Variants in INTS13 observed in about 807,000 individuals in gnomAD.
The protein encoded by INTS13 is integrator complex subunit 13.
INTS13 carries 35 observed loss-of-function variants against 90.2 expected under a neutral mutation model. That is an observed-to-expected ratio of 0.39 (90% CI 0.30 to 0.51). The LOEUF (loss-of-function observed/expected upper bound fraction) is 0.51. INTS13 is among the 20% of genes least tolerant of loss of function. The pLI is 0.80. For synonymous variants in INTS13, 309 were observed against 277.1 expected, an observed-to-expected ratio of 1.11 and a Z score of -1.14; for missense variants, 601 against 851.2, an observed-to-expected ratio of 0.71 and a Z score of 3.66.
intron 11 of INTS13, among the ~76,000 whole-genome samples, chr12:26,915,367 A>G (rs990396521): frequency 1.3e-5 from 2 of 152,210 alleles, no homozygotes; most frequent in Non-Finnish European, 2.9e-5. Flanking sequence ...ATTTTCTACA[A>G]TAAATATTGA....
chr12:26,914,967 C>T (rs1221976857), intron 11 of INTS13, among the ~76,000 whole-genome samples: 1 of 152,148 alleles, frequency 6.6e-6, no homozygotes, highest in Non-Finnish European at 1.5e-5. Context: ...TGGCTCACAC[C>T]TGTAATCCCA....
intron 14 of INTS13, 143 bp from the exon 15 acceptor site, chr12:26,911,460 A>C: frequency 3.6e-6 from 2 of 555,602 alleles, no homozygotes; most frequent in Non-Finnish European, 5.6e-6. Flanking sequence ...CAAAAATCTC[A>C]ATCTAAAACC....
chr12:26,932,857 T>C (rs778415732), intron 3 of INTS13, among the ~76,000 whole-genome samples: 1 of 152,204 alleles, frequency 6.6e-6, no homozygotes. Context: ...ATGAAGTATA[T>C]AGTCAGCAAT....
intron 3 of INTS13, among the ~76,000 whole-genome samples, chr12:26,930,920 T>C (rs905501201): frequency 6.6e-5 from 10 of 152,208 alleles, no homozygotes; most frequent in South Asian, 4.1e-4. Flanking sequence ...TTTCAGGTAA[T>C]AGTATATTAA....
Position 26,925,863 on chromosome 12 carries a change from ATT to A in INTS13, c.585-14_585-13del, listed in dbSNP as rs756582421. ...GAATCTGCATGAGACTTAAAGAGAA[ATT>A]TTTGACTTAAAATTTAAGAATACAT... On this transcript the variant is annotated splice_polypyrimidine_tract_variant and intron_variant, in intron 5 of 16. Coordinates refer to ENST00000261191, the MANE Select transcript of INTS13 (RefSeq NM_018164.3). The A allele has an allele frequency of 6.3e-7, 1 of 1,596,988 alleles. No homozygotes were observed. Among genetic ancestry groups the A allele is most frequent in the Admixed American group, 1.7e-5 (1 of 59,620 alleles).
At position 26,924,444 on chromosome 12, in the gene INTS13, C is replaced by T; in HGVS notation, c.715G>A (p.Ala239Thr). 6.2e-7 allele frequency: 1 copy of T among 1,612,630 alleles called. No homozygotes were observed. The highest frequency in any genetic ancestry group is 8.5e-7 in the Non-Finnish European group (1 of 1,179,152). ...VLTSEVHSVR[A>T]GRHLATKLNI... Reference sequence around the variant, plus strand: ...AATTTGGTAGCAAGATGCCGTCCTGCACGAACACTATGAACTTCACTGGTT... The same window carrying T: ...AATTTGGTAGCAAGATGCCGTCCTGTACGAACACTATGAACTTCACTGGTT... Residue 239 changes from alanine to threonine, a missense_variant, in exon 7 of 17, where the codon GCA (alanine) becomes ACA (threonine). Coordinates refer to ENST00000261191, the MANE Select transcript of INTS13 (RefSeq NM_018164.3).
At chr12:26,924,928 C>T (rs1180577333) in intron 6 of INTS13, among the ~76,000 whole-genome samples, 1 of 152,132 alleles carries the variant, frequency 6.6e-6, no homozygotes, top group Non-Finnish European at 1.5e-5. Flanking sequence ...ACAAAAATTT[C>T]ATTCTGTCAC....
rs765732011 is a variant in INTS13 at position 26,928,896 on chromosome 12, C to T, written c.310G>A (p.Ala104Thr). ...EDQNLQELMA[A>T]LAAVGPPNPR... ...TTAGGAGGCCCAACAGCGGCTAATG[C>T]TGCCATTAGCTAAGTAAAAGGGAAA... is the stretch of plus-strand genomic sequence containing the variant. Residue 104 changes from alanine to threonine, a missense_variant, in exon 4 of 17, where the codon GCA (alanine) becomes ACA (threonine). Ala to Thr is a moderately conservative substitution (Grantham distance 58). This residue lies in a region of INTS13 where 284 missense variants were observed against 387.7 expected (regional missense o/e 0.73). Coordinates refer to ENST00000261191, the MANE Select transcript of INTS13 (RefSeq NM_018164.3). 5 of 1,613,900 alleles carry T rather than the reference C, an allele frequency of 3.1e-6. No individual in the cohort carries two copies. In the Admixed American group the frequency reaches 8.3e-5, roughly 27 times the overall value.
chr12:26,913,930 C>A, intron 13 of INTS13, 44 bp downstream of exon 13: 1 of 1,528,590 alleles, frequency 6.5e-7, no homozygotes, highest in South Asian at 1.2e-5. Context: ...CAATATGTAT[C>A]AAGTAAATGT....
At chr12:26,923,436 T>C (rs568150196) in intron 7 of INTS13, among the ~76,000 whole-genome samples, 1 of 152,292 alleles carries the variant, frequency 6.6e-6, no homozygotes, top group South Asian at 2.1e-4. Context: ...ATTATAATTC[T>C]CATGCAATTT....
Position 26,922,617 on chromosome 12 carries a change from A to T in INTS13, c.888T>A (p.Ser296Arg). 1 of 1,587,722 alleles carries T rather than the reference A, an allele frequency of 6.3e-7. No homozygotes were observed. The highest frequency in any genetic ancestry group is 8.6e-7 in the Non-Finnish European group (1 of 1,166,286). Residue 296 changes from serine to arginine, a missense_variant and splice_region_variant, in exon 8 of 17, where the codon AGT becomes AGA. By Grantham distance (110) the Ser-to-Arg change is moderately radical. Coordinates refer to ENST00000261191, the MANE Select transcript of INTS13 (RefSeq NM_018164.3). ...HKDAHVDFLKSGDSHLGGGSR... is the reference protein window; with the variant it reads ...HKDAHVDFLKRGDSHLGGGSR... ...ATAATACTTTCAAATGTCTCTTACC[A>T]CTTTTCAGGAAATCTACATGTGCAT...
At chr12:26,930,786 T>C (rs755796256) in intron 3 of INTS13, among the ~76,000 whole-genome samples, 1 of 152,178 alleles carries the variant, frequency 6.6e-6, no homozygotes, top group African/African-American at 2.4e-5. Context: ...TGTACTTATT[T>C]TTATTCATAC....
At position 26,905,427 on chromosome 12, in the gene INTS13, A is replaced by C; in HGVS notation, c.*70T>G. 4 of 1,405,102 alleles carry C rather than the reference A, an allele frequency of 2.8e-6. No individual in the cohort carries two copies. Among genetic ancestry groups the C allele is most frequent in the Non-Finnish European group, 4.0e-6 (4 of 1,001,200 alleles). The allele number at this position is 1,405,102 out of a possible 1,614,324, so 87.0% of individuals were successfully genotyped here. ...AACATAACTATACCATCTTGCTGTA[A>C]AAGTACTTATATCGAATTCCGCACA... is the stretch of plus-strand genomic sequence containing the variant. On this transcript the variant is annotated 3_prime_UTR_variant, in exon 17 of 17. Coordinates refer to ENST00000261191, the MANE Select transcript of INTS13 (RefSeq NM_018164.3).
chr12:26,931,804 G>T (rs184217420), intron 3 of INTS13, among the ~76,000 whole-genome samples: 1 of 149,512 alleles, frequency 6.7e-6, no homozygotes, highest in African/African-American at 2.4e-5. Context: ...ACATAAACCC[G>T]GGCTGTGCGT....
intron 2 of INTS13, 98 bp from the exon 3 acceptor site, chr12:26,934,728 G>C (rs1399068242): frequency 1.1e-6 from 1 of 885,886 alleles, no homozygotes; most frequent in Non-Finnish European, 1.9e-6. Context: ...CTGTTTCACT[G>C]ATTCATTCAT....
chr12:26,909,493 T>C (rs543851159), intron 15 of INTS13, among the ~76,000 whole-genome samples: 30 of 141,824 alleles, frequency 2.1e-4, no homozygotes, highest in African/African-American at 7.4e-4. Flanking sequence ...TTTTTTTTTT[T>C]AGAGATGGAG....
At chr12:26,906,487 TATTTCCAA>T (rs1001545219) in intron 15 of INTS13, 50 bp from the exon 16 acceptor site, 23 of 1,513,126 alleles carry the variant, frequency 1.5e-5, no homozygotes, top group African/African-American at 1.4e-4. Context: ...AATAATTTAT[TATTTCCAA>T]ATTTCCAAAT....
chr12:26,907,837 T>C (rs1262507978), intron 15 of INTS13, among the ~76,000 whole-genome samples: 1 of 152,132 alleles, frequency 6.6e-6, no homozygotes, highest in Non-Finnish European at 1.5e-5. Flanking sequence ...TTTACCATCA[T>C]TAATCATGAG....
intron 10 of INTS13, among the ~76,000 whole-genome samples, chr12:26,916,911 C>A (rs1214686620): frequency 6.6e-6 from 1 of 152,046 alleles, no homozygotes; most frequent in Admixed American, 6.6e-5. Flanking sequence ...GTATCATGTT[C>A]AAATATAAGT....
Sources: gnomAD v4.1 joint callset for allele counts (sites outside exome capture counted in the v4.1 genomes callset) on GRCh38, gnomAD v4.1.1 for gene constraint, gnomAD v4.1.1 regional missense constraint, MANE v1.5 for transcripts, NCBI Gene and HGNC (gene_info 2026-07-23, HGNC 2026-07-21) for gene names.